Variants in COL6A6 observed in about 807,000 individuals in gnomAD.
COL6A6 encodes the protein collagen alpha-6(VI) chain.
COL6A6 carries 183 observed loss-of-function variants against 208.6 expected under a neutral mutation model. The observed-to-expected ratio is 0.88, with a 90% CI of 0.78 to 0.99. The LOEUF (loss-of-function observed/expected upper bound fraction) is 0.99. Among genes scored for constraint, COL6A6 ranks in the 50% least tolerant of loss-of-function variants. COL6A6 has a pLI of 0.00. For missense variants in COL6A6, 2,816 were observed against 2,815.2 expected (o/e 1.00, Z -0.01); for synonymous variants, 973 against 1,011.8 (o/e 0.96, Z 0.73).
At position 130,591,039 on chromosome 3, in the gene COL6A6, A is replaced by G. The variant is rs1338345140; in HGVS notation, c.4219-2A>G. 1.3e-6 allele frequency: 2 copies of G among 1,573,098 alleles called. No homozygotes were observed. Among genetic ancestry groups the G allele is most frequent in the Non-Finnish European group, 1.7e-6 (2 of 1,156,752 alleles). ...ATGTTTTCTTCCTTTTCTTATTTCCAGGGACCTCCAGGTTTTAAAGGCAGT... is the reference window on the plus strand; with the variant it reads ...ATGTTTTCTTCCTTTTCTTATTTCCGGGGACCTCCAGGTTTTAAAGGCAGT... On this transcript the variant is annotated splice_acceptor_variant, in intron 12 of 36. Transcript: ENST00000358511. LOFTEE classifies it high-confidence loss of function.
chr3:130,644,857 C>A, intron 31 of COL6A6, 134 bp from the exon 32 acceptor site: 1 of 786,544 alleles, frequency 1.3e-6, no homozygotes, highest in Non-Finnish European at 2.2e-6. Context: ...TCTGCATTTT[C>A]TCCAAACTCT....
intron 36 of COL6A6, among the ~76,000 whole-genome samples, chr3:130,671,464 C>A (rs1576434975): frequency 6.6e-6 from 1 of 152,144 alleles, no homozygotes; most frequent in South Asian, 2.1e-4. Context: ...GCTGGGGCAT[C>A]AAGGAATTGA....
chr3:130,612,673 C>T (rs763851232), intron 23 of COL6A6, among the ~76,000 whole-genome samples: 17 of 152,074 alleles, frequency 1.1e-4, no homozygotes, highest in Middle Eastern at 3.4e-3. Context: ...TAGGGGATGC[C>T]GCTGGATTAA....
chr3:130,607,786 AC>A (rs2064229401), intron 21 of COL6A6, among the ~76,000 whole-genome samples: 1 of 152,242 alleles, frequency 6.6e-6, no homozygotes, highest in Admixed American at 6.5e-5. Context: ...ACACTTGTAG[AC>A]AAAGAGACCT....
intron 28 of COL6A6, 77 bp downstream of exon 28, chr3:130,635,838 A>G: frequency 8.8e-7 from 1 of 1,135,764 alleles, no homozygotes; most frequent in Non-Finnish European, 1.3e-6. Context: ...CAATAATTTG[A>G]GTTGTCTTTT....
intron 1 of COL6A6, among the ~76,000 whole-genome samples, chr3:130,535,305 T>C (rs1371560738): frequency 6.6e-6 from 1 of 152,230 alleles, no homozygotes; most frequent in African/African-American, 2.4e-5. Context: ...CCAGTGCACA[T>C]ATTTTCCATG....
Position 130,547,844 on chromosome 3 carries a change from C to G in COL6A6, c.-31-12490C>G, listed in dbSNP as rs539941996. Among the ~76,000 whole-genome samples, 7 of 152,350 alleles carry G rather than the reference C, an allele frequency of 4.6e-5. No homozygotes were observed. The East Asian group carries it at 1.2e-3, about 25-fold the overall frequency. On this transcript the variant is annotated intron_variant, in intron 1 of 36. Transcript: ENST00000358511. ...AGGGAGTCTCGCTCTGTCACCCAGG[C>G]TGGAGGGCAGCGGTGCCGTCTCGGC...
intron 13 of COL6A6, among the ~76,000 whole-genome samples, chr3:130,592,304 C>T (rs574688373): frequency 6.6e-6 from 1 of 152,212 alleles, no homozygotes; most frequent in South Asian, 2.1e-4. Context: ...ACTTGGTGAC[C>T]ACTTGGTGAG....
chr3:130,571,213 G>A lies in COL6A6; in HGVS notation c.2797G>A (p.Ala933Thr), dbSNP rs374179121. The stretch of plus-strand genomic sequence containing the variant: ...TGATGCTGATAAACTCAATGCCACG[G>A]CAAAGGCCTTGCGGGACAAAGGCAT... ...SHDADKLNAT[A>T]KALRDKGILV... Residue 933 changes from alanine to threonine, a missense_variant, in exon 7 of 37, where the codon GCA (alanine) becomes ACA (threonine). Transcript: ENST00000358511. 1 of 1,613,830 alleles carries A rather than the reference G, an allele frequency of 6.2e-7. No individual in the cohort carries two copies. Among genetic ancestry groups the A allele is most frequent in the East Asian group, 2.2e-5 (1 of 44,890 alleles).
chr3:130,560,494 C>G (rs574998679), intron 2 of COL6A6, 66 bp downstream of exon 2: 2 of 1,405,738 alleles, frequency 1.4e-6, no homozygotes, highest in African/African-American at 1.4e-5. Context: ...TGAGTTTGAC[C>G]TATTTAAAAG....
intron 8 of COL6A6, among the ~76,000 whole-genome samples, chr3:130,580,038 T>C (rs190619398): frequency 1.3e-3 from 196 of 152,350 alleles, no homozygotes; most frequent in Admixed American, 1.0e-3. Context: ...ACAATGTTTA[T>C]AGGCAACAGT....
intron 34 of COL6A6, among the ~76,000 whole-genome samples, chr3:130,660,446 T>C (rs966365229): frequency 6.6e-6 from 1 of 152,238 alleles, no homozygotes; most frequent in Admixed American, 6.5e-5. Flanking sequence ...TATTAATCTT[T>C]CATCTAAGTT....
intron 33 of COL6A6, 135 bp downstream of exon 33, chr3:130,649,697 T>G: frequency 1.1e-6 from 1 of 882,796 alleles, no homozygotes; most frequent in Non-Finnish European, 1.7e-6. Context: ...CAGAGTAGAA[T>G]AAGTATTTCT....
intron 10 of COL6A6, among the ~76,000 whole-genome samples, chr3:130,584,601 T>G (rs1007579488): frequency 6.6e-6 from 1 of 151,910 alleles, no homozygotes; most frequent in Non-Finnish European, 1.5e-5. Context: ...CTTTTTTTAT[T>G]TTTTTTATTT....
At chr3:130,607,275 A>G (rs2064212407) in intron 21 of COL6A6, among the ~76,000 whole-genome samples, 1 of 152,188 alleles carries the variant, frequency 6.6e-6, no homozygotes, top group African/African-American at 2.4e-5. Context: ...TTACATTTTC[A>G]TTTAACTTTG....
chr3:130,670,473 G>A (rs1372705277), intron 36 of COL6A6, among the ~76,000 whole-genome samples: 4 of 152,182 alleles, frequency 2.6e-5, no homozygotes, highest in African/African-American at 2.4e-5. Flanking sequence ...AATAAAGCAC[G>A]TGTTGGGGAG....
chr3:130,563,487 A>T lies in COL6A6; in HGVS notation c.484A>T (p.Ile162Phe), dbSNP rs377003663. ...CCTGCGGAAAGACGGAGTGAAAATC[A>T]TCTCTGTAGGGGTGCAGAAAGCTTC... ...KALRKDGVKI[I>F]SVGVQKASEE... The change falls in exon 3 of 37, where the codon ATC becomes TTC. Residue 162 changes from isoleucine (I) to phenylalanine (F), a missense_variant. Coordinates refer to ENST00000358511, the MANE Select transcript of COL6A6 (RefSeq NM_001102608.3). 5.6e-6 allele frequency: 9 copies of T among 1,613,870 alleles called. No homozygotes were observed. In the African/African-American group the frequency reaches 1.2e-4, roughly 22 times the overall value.
At chr3:130,649,689 G>C in intron 33 of COL6A6, 127 bp downstream of exon 33, 1 of 973,972 alleles carries the variant, frequency 1.0e-6, no homozygotes, top group Admixed American at 2.9e-5. Context: ...TGGATTGGCA[G>C]AGTAGAATAA....
chr3:130,516,839 G>A (rs1209533277), upstream of COL6A6, among the ~76,000 whole-genome samples: 1 of 152,192 alleles, frequency 6.6e-6, no homozygotes, highest in Non-Finnish European at 1.5e-5. Flanking sequence ...AAGAACAACA[G>A]TTCCAACGGT....
Sources: allele counts gnomAD v4.1 joint callset (sites outside exome capture counted in the v4.1 genomes callset), GRCh38; gene constraint gnomAD v4.1.1; transcripts MANE v1.5; gene names NCBI Gene and HGNC (gene_info 2026-07-23, HGNC 2026-07-21).